TRABD: variants seen among roughly 807,000 people sequenced by gnomAD.
TRABD encodes the protein TraB domain containing.
In TRABD, 23 loss-of-function variants were observed where a neutral mutation model predicts 39.6. That is an observed-to-expected ratio of 0.58 (90% CI 0.42 to 0.82). The LOEUF is 0.82. Ranked by LOEUF, TRABD falls within the 40% of genes least tolerant of loss-of-function variation. TRABD has a pLI of 0.00. For synonymous variants in TRABD, 243 were observed against 232.1 expected (o/e 1.05, Z -0.43); for missense variants, 487 against 544.9 (o/e 0.89, Z 1.06).
chr22:50,188,513 C>G (rs1309200663), intron 1 of TRABD, among the ~76,000 whole-genome samples: 16 of 152,212 alleles, frequency 1.1e-4, no homozygotes, highest in Admixed American at 9.8e-4. Context: ...TGCCATGCAG[C>G]CTCCTGGCTT....
chr22:50,197,765 C>CCCCCCCCCCCCCCCCCCCGTG, intron 7 of TRABD, 58 bp from the exon 8 acceptor site: 2 of 754,056 alleles, frequency 2.7e-6, no homozygotes, highest in South Asian at 1.3e-5. Context: ...ACAGTGCCAG[C>CCCCCCCCCCCCCCCCCCCGTG]CCCACCCCCC....
Position 50,198,856 on chromosome 22 carries a change from G to C in TRABD, c.*337G>C. ...CCCTCTCAGCCCTGGTGGCAGGCGG[G>C]GGACAATGGCCACTGTCCCTACCTC... On this transcript the variant is annotated 3_prime_UTR_variant, in exon 10 of 10. Transcript: ENST00000380909. The surrounding 1 kb of genome is among the most constrained non-coding windows in gnomAD (Gnocchi z 7.9). 1 of 544,620 alleles carries C rather than the reference G, an allele frequency of 1.8e-6. No individual in the cohort carries two copies. Among genetic ancestry groups the C allele is most frequent in the Non-Finnish European group, 3.3e-6 (1 of 305,118 alleles). 33.7% of individuals were successfully genotyped at this position (544,620 alleles called of 1,614,324 possible).
At position 50,193,558 on chromosome 22, in the gene TRABD, T is replaced by G. The variant is rs373734493; in HGVS notation, c.34-18T>G. 9 of 1,613,088 alleles carry G rather than the reference T, an allele frequency of 5.6e-6. No homozygotes were observed. The highest frequency in any genetic ancestry group is 6.8e-6 in the Non-Finnish European group (8 of 1,179,566). ...GGGGTGCATGGACCCTGACTTGAAC[T>G]CTCCTTTCCACCTGCAGGCCAACGT... is the stretch of plus-strand genomic sequence containing the variant. On this transcript the variant is annotated intron_variant, in intron 2 of 9. Transcript: ENST00000380909.
At chr22:50,195,502 G>A (rs2064069611) in intron 5 of TRABD, among the ~76,000 whole-genome samples, 1 of 150,916 alleles carries the variant, frequency 6.6e-6, no homozygotes, top group Non-Finnish European at 1.5e-5. Context: ...TCGCTCTGTT[G>A]CCCAGGCTGG....
At chr22:50,191,179 C>T (rs1000583023) in intron 1 of TRABD, among the ~76,000 whole-genome samples, 1 of 152,196 alleles carries the variant, frequency 6.6e-6, no homozygotes, top group East Asian at 1.9e-4. Flanking sequence ...CCAGAAGTCC[C>T]GGCTGTCCAA....
At chr22:50,192,636 T>C (rs1464080392) in intron 1 of TRABD, among the ~76,000 whole-genome samples, 2 of 152,150 alleles carry the variant, frequency 1.3e-5, no homozygotes, top group Non-Finnish European at 2.9e-5. Context: ...GTCCTTGCCA[T>C]GTGTCAGCAG....
chr22:50,192,977 C>A, intron 1 of TRABD, 50 bp from the exon 2 acceptor site: 1 of 1,501,834 alleles, frequency 6.7e-7, no homozygotes, highest in Non-Finnish European at 9.0e-7. Context: ...GAGTCCTGAG[C>A]CAGGTCTGGG....
chr22:50,196,171 T>TAG (rs1397268263), intron 5 of TRABD, among the ~76,000 whole-genome samples: 1 of 152,104 alleles, frequency 6.6e-6, no homozygotes, highest in Non-Finnish European at 1.5e-5. Context: ...TGTGCCCTGG[T>TAG]GTCTAGGTTT....
chr22:50,197,046 G>T, intron 5 of TRABD, 195 bp from the exon 6 acceptor site: 1 of 591,060 alleles, frequency 1.7e-6, no homozygotes, highest in Non-Finnish European at 3.0e-6. Context: ...TGCCTGTTGG[G>T]ACAGAACTCC....
chr22:50,194,624 C>T, intron 4 of TRABD, 118 bp downstream of exon 4: 1 of 1,449,750 alleles, frequency 6.9e-7, no homozygotes, highest in Non-Finnish European at 9.3e-7. Context: ...AGGCCTCCTG[C>T]TTCAACACTG....
intron 1 of TRABD, among the ~76,000 whole-genome samples, chr22:50,186,475 G>C (rs1456610748): frequency 2.0e-5 from 3 of 152,170 alleles, no homozygotes; most frequent in Non-Finnish European, 4.4e-5. Context: ...GCTGGGGCGG[G>C]GAGGGTCAGC....
At chr22:50,190,077 C>A (rs1246976806) in intron 1 of TRABD, among the ~76,000 whole-genome samples, 2 of 152,204 alleles carry the variant, frequency 1.3e-5, no homozygotes, top group Non-Finnish European at 2.9e-5. Flanking sequence ...CTCCAGGGGC[C>A]TTGGCGAGGA....
chr22:50,194,392 T>C lies in TRABD; in HGVS notation c.165T>C (p.Arg55=). 1 of 1,612,756 alleles carries C rather than the reference T, an allele frequency of 6.2e-7. No individual in the cohort carries two copies. Among genetic ancestry groups the C allele is most frequent in the South Asian group, 1.1e-5 (1 of 91,070 alleles). ...LLLEMKLKRR[R]QRPNLPRTVT... ...TGGAGATGAAGCTGAAGCGGCGGCG[T>C]CAGCGGCCCAACCTGCCGCGCACTG... Residue 55 remains arginine (R), a synonymous_variant, in exon 4 of 10, where the codon CGT becomes CGC. Coordinates refer to ENST00000380909, the MANE Select transcript of TRABD (RefSeq NM_001320485.2).
Position 50,197,190 on chromosome 22 carries a change from C to G in TRABD, c.421-51C>G, listed in dbSNP as rs750814092. The G allele has an allele frequency of 8.4e-6, 13 of 1,549,208 alleles. No individual in the cohort carries two copies. The Admixed American group carries it at 1.2e-4, about 14-fold the overall frequency. On this transcript the variant is annotated intron_variant, in intron 5 of 9. Coordinates refer to ENST00000380909, the MANE Select transcript of TRABD (RefSeq NM_001320485.2). ...CATCCCAGTTCTGCCATTCCCCCAG[C>G]GCACCCCCGCACCCGCCCCTCCAGC...
intron 1 of TRABD, among the ~76,000 whole-genome samples, chr22:50,188,295 A>G (rs1360673513): frequency 1.3e-5 from 2 of 152,124 alleles, no homozygotes; most frequent in Admixed American, 6.6e-5. Context: ...TAAAAAAAAA[A>G]TGAGGTCTCG....
chr22:50,187,647 C>A (rs1216667075), intron 1 of TRABD, among the ~76,000 whole-genome samples: 1 of 152,212 alleles, frequency 6.6e-6, no homozygotes, highest in Non-Finnish European at 1.5e-5. Context: ...TTAGCTCTAG[C>A]TGCTGTAACA....
At chr22:50,192,986 G>A in intron 1 of TRABD, 41 bp from the exon 2 acceptor site, 1 of 1,523,718 alleles carries the variant, frequency 6.6e-7, no homozygotes, top group Non-Finnish European at 8.8e-7. Context: ...GCCAGGTCTG[G>A]GGCTCCAGGT....
chr22:50,193,215 G>A (rs923833426), intron 2 of TRABD, 122 bp downstream of exon 2: 1 of 1,263,196 alleles, frequency 7.9e-7, no homozygotes, highest in Admixed American at 2.8e-5. Context: ...GGTTCTCCAG[G>A]GTCAGGCAGG....
chr22:50,199,018 T>C lies in TRABD; in HGVS notation c.*499T>C, dbSNP rs2064232813. 1 of 676,476 alleles carries C rather than the reference T, an allele frequency of 1.5e-6. No individual in the cohort carries two copies. The highest frequency in any genetic ancestry group is 2.8e-6 in the Non-Finnish European group (1 of 360,958). The allele number at this position is 676,476 out of a possible 1,614,324, so 41.9% of individuals were successfully genotyped here. On this transcript the variant is annotated 3_prime_UTR_variant, in exon 10 of 10. Transcript: ENST00000380909. ...CACCGTGCCCCTGGCATCCTGGCCC[T>C]GGCCGCCACCTCCCTGGCACCGTCT...
Sources: gnomAD v4.1 joint callset for allele counts (sites outside exome capture counted in the v4.1 genomes callset) on GRCh38, gnomAD v4.1.1 for gene constraint, Gnocchi (gnomAD v3.1) non-coding constraint, MANE v1.5 for transcripts, NCBI Gene and HGNC (gene_info 2026-07-23, HGNC 2026-07-21) for gene names.